Variants in UBE4A observed in about 807,000 individuals in gnomAD.
UBE4A encodes ubiquitination factor E4A, also known as ubiquitin conjugation factor E4 A.
In UBE4A, 48 loss-of-function variants were observed where a neutral mutation model predicts 117.9. The observed-to-expected ratio is 0.41, with a 90% CI of 0.32 to 0.52. The LOEUF (loss-of-function observed/expected upper bound fraction) is 0.52. UBE4A is among the 20% of genes least tolerant of loss of function. UBE4A has a pLI of 0.33. For missense variants in UBE4A, 1,067 were observed against 1,296.3 expected, an observed-to-expected ratio of 0.82 and a Z score of 2.72; for synonymous variants, 407 against 450.0, an observed-to-expected ratio of 0.90 and a Z score of 1.21.
Position 118,397,391 on chromosome 11 carries a change from A to G in UBE4A, c.*951A>G, listed in dbSNP as rs765194156. ...TATGCAGTATGTGGCCATGTTTACTAACATACTCATTCTTCACAAAATTCT... is the reference window on the plus strand; with the variant it reads ...TATGCAGTATGTGGCCATGTTTACTGACATACTCATTCTTCACAAAATTCT... On this transcript the variant is annotated 3_prime_UTR_variant, in exon 20 of 20. Coordinates refer to ENST00000252108, the MANE Select transcript of UBE4A (RefSeq NM_001204077.2). 1 of 152,214 alleles carries G rather than the reference A, an allele frequency of 6.6e-6. No homozygotes were observed. Among genetic ancestry groups the G allele is most frequent in the Non-Finnish European group, 1.5e-5 (1 of 68,040 alleles). 9.4% of individuals were successfully genotyped at this position (152,214 alleles called of 1,614,324 possible).
chr11:118,374,496 C>T (rs1948634527), intron 8 of UBE4A, among the ~76,000 whole-genome samples: 1 of 152,214 alleles, frequency 6.6e-6, no homozygotes, highest in African/African-American at 2.4e-5. Flanking sequence ...GGCCTGCCAC[C>T]TGTTTTTGTA....
chr11:118,370,022 G>A (rs1207453179), intron 4 of UBE4A, among the ~76,000 whole-genome samples: 2 of 151,664 alleles, frequency 1.3e-5, no homozygotes, highest in Admixed American at 1.3e-4. Flanking sequence ...AACCCAGGAG[G>A]CGGAGGTTGC....
At position 118,384,708 on chromosome 11, in the gene UBE4A, G is replaced by C; in HGVS notation, c.2271G>C (p.Gly757=). ...PMYPILRYMW[G]TDTYRESIKD... is the part of the protein sequence containing the mutation. ...ATCCTATCCTAAGATACATGTGGGG[G>C]ACAGATACCTATCGGGAGAGCATTA... Residue 757 remains glycine (G), a synonymous_variant, in exon 14 of 20, where the codon GGG becomes GGC. Coordinates refer to ENST00000252108, the MANE Select transcript of UBE4A (RefSeq NM_001204077.2). The C allele has an allele frequency of 6.2e-7, 1 of 1,614,040 alleles. No individual in the cohort carries two copies. Among genetic ancestry groups the C allele is most frequent in the South Asian group, 1.1e-5 (1 of 91,078 alleles).
Position 118,396,541 on chromosome 11 carries a change from C to CTTTTTAT in UBE4A, c.*106_*107insATTTTTT. 2 of 911,760 alleles carry CTTTTTAT rather than the reference C, an allele frequency of 2.2e-6. No homozygotes were observed. The highest frequency in any genetic ancestry group is 2.5e-5 in the South Asian group (1 of 40,558). The allele number at this position is 911,760 out of a possible 1,614,324, so 56.5% of individuals were successfully genotyped here. ...TTCTGTTCCTTTTCTTTCTTCTTTT[C>CTTTTTAT]TTTTTCTTTTTTTTTTTTTTTTTTA... On this transcript the variant is annotated 3_prime_UTR_variant, in exon 20 of 20. Coordinates refer to ENST00000252108, the MANE Select transcript of UBE4A (RefSeq NM_001204077.2).
At chr11:118,377,854 A>C (rs537031292) in intron 10 of UBE4A, among the ~76,000 whole-genome samples, 12 of 151,554 alleles carry the variant, frequency 7.9e-5, no homozygotes, top group Non-Finnish European at 1.3e-4. Flanking sequence ...TTGAGACTGC[A>C]GTGAGCCGAG....
chr11:118,367,639 C>T (rs928294819), intron 2 of UBE4A, among the ~76,000 whole-genome samples: 14 of 150,578 alleles, frequency 9.3e-5, no homozygotes, highest in Non-Finnish European at 4.4e-5. Flanking sequence ...GTAGCTGGGA[C>T]TACAGGTGTG....
chr11:118,381,400 C>T lies in UBE4A; in HGVS notation c.1886C>T (p.Ala629Val), dbSNP rs782649254. Residue 629 changes from alanine to valine, a missense_variant, in exon 12 of 20, where the codon GCA (alanine) becomes GTA (valine). Ala to Val is a moderately conservative substitution (Grantham distance 64). Coordinates refer to ENST00000252108, the MANE Select transcript of UBE4A (RefSeq NM_001204077.2). ...SSLAYVPEFFADNLGDFLIFL... is the reference protein window; with the variant it reads ...SSLAYVPEFFVDNLGDFLIFL... Reference sequence around the variant, plus strand: ...ATATTTTCTTTTTCAGAATTTTTTGCAGATAACCTGGGTGATTTTCTCATT... The same window carrying T: ...ATATTTTCTTTTTCAGAATTTTTTGTAGATAACCTGGGTGATTTTCTCATT... The T allele has an allele frequency of 1.9e-6, 3 of 1,613,532 alleles. No homozygotes were observed. The highest frequency in any genetic ancestry group is 2.7e-5 in the African/African-American group (2 of 74,942).
rs1196037720 is a variant in UBE4A, at chr11:118,373,116, A to G, written c.752A>G (p.Glu251Gly). ...GAAGATGTAACTGAGTTTCTGGAAGAGGTCATTGAAGCCTTGATATTGGAT... is the reference window on the plus strand; with the variant it reads ...GAAGATGTAACTGAGTTTCTGGAAGGGGTCATTGAAGCCTTGATATTGGAT... ...HFEDVTEFLE[E>G]VIEALILDEE... The change falls in exon 7 of 20, where the codon GAG becomes GGG. Residue 251 changes from glutamate to glycine, a missense_variant. Transcript: ENST00000252108. 4 of 1,614,058 alleles carry G rather than the reference A, an allele frequency of 2.5e-6. No homozygotes were observed. The highest frequency in any genetic ancestry group is 1.1e-5 in the South Asian group (1 of 91,066).
chr11:118,399,179 C>G lies in UBE4A; in HGVS notation c.*2739C>G. 1 of 390,684 alleles carries G rather than the reference C, an allele frequency of 2.6e-6. No homozygotes were observed. 24.2% of individuals were successfully genotyped at this position (390,684 alleles called of 1,614,324 possible). Reference sequence around the variant, plus strand: ...CTTGCCTGGCAGTGTTTGTTCAAAACTTGTATTTAATAAATGAACATCTGA... The same window carrying G: ...CTTGCCTGGCAGTGTTTGTTCAAAAGTTGTATTTAATAAATGAACATCTGA... On this transcript the variant is annotated 3_prime_UTR_variant, in exon 20 of 20. Transcript: ENST00000252108.
At chr11:118,394,321 C>G (rs1948848412) in intron 19 of UBE4A, among the ~76,000 whole-genome samples, 1 of 152,100 alleles carries the variant, frequency 6.6e-6, no homozygotes, top group Non-Finnish European at 1.5e-5. Context: ...CTGTTCCTGG[C>G]TTATTTATTT....
chr11:118,392,604 G>GTGTCAC (rs1948829649), intron 18 of UBE4A, 134 bp from the exon 19 acceptor site: 1 of 771,942 alleles, frequency 1.3e-6, no homozygotes, highest in East Asian at 2.8e-5. Flanking sequence ...AAGCTCACGT[G>GTGTCAC]TGTCACTGTC....
intron 18 of UBE4A, among the ~76,000 whole-genome samples, chr11:118,391,182 G>A (rs1555128375): frequency 6.6e-6 from 1 of 152,174 alleles, no homozygotes; most frequent in Admixed American, 6.5e-5. Flanking sequence ...ACATGAGAGT[G>A]AGAATAGAAA....
At position 118,365,130 on chromosome 11, in the gene UBE4A, C is replaced by T; in HGVS notation, c.50C>T (p.Ala17Val). 2 of 1,613,990 alleles carry T rather than the reference C, an allele frequency of 1.2e-6. No individual in the cohort carries two copies. The highest frequency in any genetic ancestry group is 1.7e-6 in the Non-Finnish European group (2 of 1,179,950). ...AACATCTCAAGTAACCCCTTTGCTG[C>T]TCTTTTTGGCTCCCTGGCTGATGCC... ...NNNISSNPFA[A>V]LFGSLADAKQ... is the part of the protein sequence containing the mutation. Residue 17 changes from alanine to valine, a missense_variant, in exon 2 of 20, where the codon GCT becomes GTT. Coordinates refer to ENST00000252108, the MANE Select transcript of UBE4A (RefSeq NM_001204077.2).
At chr11:118,363,606 C>CTTTTT (rs199847839) in intron 1 of UBE4A, among the ~76,000 whole-genome samples, 31 of 122,840 alleles carry the variant, frequency 2.5e-4, no homozygotes, top group Non-Finnish European at 3.2e-4. Context: ...ACCACATTAG[C>CTTTTT]TTTTTTTTTT....
At chr11:118,377,912 C>CAAAA (rs56669473) in intron 10 of UBE4A, among the ~76,000 whole-genome samples, 1 of 117,342 alleles carries the variant, frequency 8.5e-6, no homozygotes. Flanking sequence ...AACCCTGTCT[C>CAAAA]AAAAAAAAAA....
intron 16 of UBE4A, 30 bp downstream of exon 16, chr11:118,386,642 A>C (rs189690655): frequency 1.3e-6 from 2 of 1,494,908 alleles, no homozygotes; most frequent in East Asian, 2.6e-5. Context: ...CTTCCCCCCA[A>C]AAAAGTAATG....
chr11:118,371,946 T>A (rs1026656200), intron 5 of UBE4A, among the ~76,000 whole-genome samples: 2 of 152,108 alleles, frequency 1.3e-5, no homozygotes, highest in Non-Finnish European at 2.9e-5. Context: ...TAAAACCTCT[T>A]TAGAAATCAC....
chr11:118,388,805 A>T, intron 16 of UBE4A, among the ~76,000 whole-genome samples: 1 of 152,058 alleles, frequency 6.6e-6, no homozygotes, highest in East Asian at 1.9e-4. Flanking sequence ...GTCAGCCATT[A>T]AAAATGATGT....
At chr11:118,365,317 T>C in intron 2 of UBE4A, 116 bp downstream of exon 2, 2 of 1,392,768 alleles carry the variant, frequency 1.4e-6, no homozygotes, top group Non-Finnish European at 1.9e-6. Context: ...CAAAAGTTGG[T>C]TTTTGTTTGT....
Sources: allele counts gnomAD v4.1 joint callset (sites outside exome capture counted in the v4.1 genomes callset), GRCh38; gene constraint gnomAD v4.1.1; transcripts MANE v1.5; gene names NCBI Gene and HGNC (gene_info 2026-07-23, HGNC 2026-07-21).